Variants in LRRC1 observed in about 807,000 individuals in gnomAD.
LRRC1 encodes the protein leucine-rich repeat-containing protein 1.
Under a neutral mutation model 69.9 loss-of-function variants are expected in LRRC1, and 28 were observed. The observed-to-expected ratio is 0.40, with a 90% CI of 0.30 to 0.55. The LOEUF (loss-of-function observed/expected upper bound fraction) is 0.55, where lower values mean the gene tolerates loss of function less well. LRRC1 is among the 20% of genes least tolerant of loss of function. The pLI, the probability that LRRC1 is intolerant of heterozygous loss-of-function variation, is 0.47. For synonymous variants in LRRC1, 236 were observed against 240.2 expected (o/e 0.98, Z 0.16); for missense variants, 498 against 609.0 (o/e 0.82, Z 1.92).
intron 1 of LRRC1, among the ~76,000 whole-genome samples, chr6:53,799,716 C>G (rs1184537633): frequency 2.0e-5 from 3 of 152,190 alleles, no homozygotes; most frequent in Admixed American, 1.3e-4. Context: ...GTGGTAAGTC[C>G]CTTTTGCCTT....
intron 4 of LRRC1, among the ~76,000 whole-genome samples, chr6:53,894,920 G>A (rs12524126): frequency 2.6e-5 from 4 of 151,724 alleles, no homozygotes; most frequent in Non-Finnish European, 5.9e-5. Context: ...ACATATTAGC[G>A]GGGAGTTTTT....
chr6:53,850,064 T>TC (rs1436538796), intron 2 of LRRC1, among the ~76,000 whole-genome samples: 2 of 148,216 alleles, frequency 1.3e-5, no homozygotes, highest in Non-Finnish European at 3.0e-5. Flanking sequence ...TAAGATTTCT[T>TC]TTTTTTTTTT....
At chr6:53,852,429 GACA>G (rs1367375425) in intron 2 of LRRC1, among the ~76,000 whole-genome samples, 1 of 152,174 alleles carries the variant, frequency 6.6e-6, no homozygotes, top group Admixed American at 6.5e-5. Flanking sequence ...TTCGGCTCAA[GACA>G]ACTTCTAGAT....
intron 4 of LRRC1, among the ~76,000 whole-genome samples, chr6:53,887,872 T>C (rs1767540567): frequency 6.6e-6 from 1 of 152,130 alleles, no homozygotes. Context: ...TGCAGTGGGG[T>C]CTTACTGAGT....
intron 1 of LRRC1, among the ~76,000 whole-genome samples, chr6:53,812,526 T>C (rs1338327580): frequency 6.6e-6 from 1 of 151,412 alleles, no homozygotes; most frequent in Non-Finnish European, 1.5e-5. Context: ...CCGTCTCTAC[T>C]AAAAATACAA....
At chr6:53,862,887 A>T (rs978378704) in intron 2 of LRRC1, among the ~76,000 whole-genome samples, 42 of 152,334 alleles carry the variant, frequency 2.8e-4, no homozygotes, top group Middle Eastern at 3.4e-3. Context: ...GACTTGGCTC[A>T]TGGATTCATA....
At chr6:53,821,638 T>A (rs1765118334) in intron 1 of LRRC1, among the ~76,000 whole-genome samples, 2 of 152,328 alleles carry the variant, frequency 1.3e-5, no homozygotes, top group Middle Eastern at 6.8e-3. Flanking sequence ...TGATCATGAT[T>A]ATTATCTGAG....
At chr6:53,879,269 C>A (rs1767182535) in intron 3 of LRRC1, among the ~76,000 whole-genome samples, 198 bp downstream of exon 3, 1 of 152,124 alleles carries the variant, frequency 6.6e-6, no homozygotes, top group South Asian at 2.1e-4. Context: ...TTGATAGAAA[C>A]CTCAAAGTAT....
At chr6:53,914,031 C>A in intron 11 of LRRC1, 62 bp downstream of exon 11, 1 of 1,130,854 alleles carries the variant, frequency 8.8e-7, no homozygotes, top group Non-Finnish European at 1.3e-6. Context: ...CCAATCTTGG[C>A]AGTGCATCTT....
At chr6:53,807,669 C>T (rs573848103) in intron 1 of LRRC1, among the ~76,000 whole-genome samples, 27 of 151,986 alleles carry the variant, frequency 1.8e-4, no homozygotes, top group South Asian at 4.2e-4. Context: ...TGCTTGAACC[C>T]GGGAGATGGA....
chr6:53,795,725 C>G (rs914252829), intron 1 of LRRC1, among the ~76,000 whole-genome samples: 17 of 152,306 alleles, frequency 1.1e-4, no homozygotes, highest in African/African-American at 3.6e-4. Flanking sequence ...CACTTGTGCC[C>G]GGTCAGGTGA....
intron 10 of LRRC1, among the ~76,000 whole-genome samples, chr6:53,905,655 A>AG (rs1275249525): frequency 6.6e-6 from 1 of 152,050 alleles, no homozygotes; most frequent in Non-Finnish European, 1.5e-5. Context: ...TTGTTTTCCT[A>AG]GGGCCACATC....
chr6:53,820,213 C>T (rs114511554), intron 1 of LRRC1, among the ~76,000 whole-genome samples: 3,386 of 151,874 alleles, frequency 0.022, 56 homozygotes, highest in Non-Finnish European at 0.036. Context: ...ATAAACATGT[C>T]CATCCAATGG....
chr6:53,844,115 G>T (rs139564309), intron 2 of LRRC1, among the ~76,000 whole-genome samples: 13 of 152,144 alleles, frequency 8.5e-5, no homozygotes, highest in Non-Finnish European at 1.8e-4. Context: ...GGCATCTGGG[G>T]TCTGGCCAGG....
intron 1 of LRRC1, among the ~76,000 whole-genome samples, chr6:53,818,935 C>T (rs759480745): frequency 6.6e-6 from 1 of 152,074 alleles, no homozygotes; most frequent in Non-Finnish European, 1.5e-5. Flanking sequence ...AATGAATGCA[C>T]CTTGGGTTTC....
chr6:53,819,245 G>A (rs1446144960), intron 1 of LRRC1, among the ~76,000 whole-genome samples: 1 of 152,120 alleles, frequency 6.6e-6, no homozygotes, highest in African/African-American at 2.4e-5. Context: ...AAGGAAGTTC[G>A]GGTATCTTTT....
chr6:53,870,837 A>G (rs1766859455), intron 2 of LRRC1, among the ~76,000 whole-genome samples: 1 of 152,006 alleles, frequency 6.6e-6, no homozygotes. Flanking sequence ...TCAACTTGCT[A>G]CTTCTATGAG....
At chr6:53,848,968 G>A (rs1766036510) in intron 2 of LRRC1, among the ~76,000 whole-genome samples, 1 of 151,644 alleles carries the variant, frequency 6.6e-6, no homozygotes, top group Admixed American at 6.6e-5. Flanking sequence ...TGTTGATCAG[G>A]TTGGTCTAAA....
chr6:53,817,826 C>G (rs552701493), intron 1 of LRRC1, among the ~76,000 whole-genome samples: 1 of 152,156 alleles, frequency 6.6e-6, no homozygotes, highest in African/African-American at 2.4e-5. Flanking sequence ...TCCCTAGAAT[C>G]TAGGGTACTA....
Sources: gnomAD v4.1 joint callset for allele counts (sites outside exome capture counted in the v4.1 genomes callset) on GRCh38, gnomAD v4.1.1 for gene constraint, MANE v1.5 for transcripts, NCBI Gene and HGNC (gene_info 2026-07-23, HGNC 2026-07-21) for gene names.